ADCY8: variants seen among roughly 807,000 people sequenced by gnomAD.
ADCY8 encodes adenylate cyclase 8, also known as adenylate cyclase type 8.
In ADCY8, 51 loss-of-function variants were observed where a neutral mutation model predicts 119.7. The observed-to-expected ratio is 0.43, with a 90% CI of 0.34 to 0.54. The LOEUF (loss-of-function observed/expected upper bound fraction) is 0.54. ADCY8 is among the 20% of genes least tolerant of loss of function. The pLI, the probability that ADCY8 is intolerant of heterozygous loss-of-function variation, is 0.03. For missense variants in ADCY8, 1,383 were observed against 1,598.8 expected (o/e 0.87, Z 2.30); for synonymous variants, 665 against 651.0 (o/e 1.02, Z -0.33).
intron 12 of ADCY8, among the ~76,000 whole-genome samples, chr8:130,831,471 A>G (rs1167910365): frequency 6.6e-6 from 1 of 152,216 alleles, no homozygotes; most frequent in Non-Finnish European, 1.5e-5. Context: ...GGTTTTGCCA[A>G]GGAGAGTGTC....
intron 9 of ADCY8, among the ~76,000 whole-genome samples, chr8:130,856,096 TGGTGAGCTCCTTTA>T (rs1474294303): frequency 6.6e-6 from 1 of 152,048 alleles, no homozygotes; most frequent in Non-Finnish European, 1.5e-5. Context: ...TTCCATGACC[TGGTGAGCTCCTTTA>T]GGAGCCAGGT....
At chr8:131,010,881 C>A (rs1256286275) in intron 1 of ADCY8, among the ~76,000 whole-genome samples, 5 of 152,192 alleles carry the variant, frequency 3.3e-5, no homozygotes, top group African/African-American at 1.2e-4. Context: ...CATCCATTTA[C>A]TGATTTTTGT....
At chr8:130,833,675 G>A (rs1372467237) in intron 12 of ADCY8, among the ~76,000 whole-genome samples, 1 of 152,122 alleles carries the variant, frequency 6.6e-6, no homozygotes, top group East Asian at 1.9e-4. Context: ...ATTTATACTA[G>A]TCTGTGGTAT....
At chr8:131,020,118 C>T (rs1167012363) in intron 1 of ADCY8, among the ~76,000 whole-genome samples, 1 of 152,008 alleles carries the variant, frequency 6.6e-6, no homozygotes, top group Non-Finnish European at 1.5e-5. Context: ...ATTACCACTA[C>T]CTGAGGGAGA....
intron 12 of ADCY8, among the ~76,000 whole-genome samples, chr8:130,834,538 G>A (rs1816928261): frequency 6.6e-6 from 1 of 152,146 alleles, no homozygotes; most frequent in African/African-American, 2.4e-5. Flanking sequence ...GTGCTTTTAT[G>A]TCTACACCCC....
chr8:130,995,680 C>T (rs1822751278), intron 1 of ADCY8, among the ~76,000 whole-genome samples: 1 of 152,096 alleles, frequency 6.6e-6, no homozygotes, highest in Admixed American at 6.6e-5. Flanking sequence ...TCTTGCCTTG[C>T]TGATTCTTCT....
intron 1 of ADCY8, among the ~76,000 whole-genome samples, chr8:131,016,918 C>T (rs1394616213): frequency 6.6e-6 from 1 of 151,996 alleles, no homozygotes; most frequent in African/African-American, 2.4e-5. Flanking sequence ...AGACAGGCTG[C>T]CTCCTGAACT....
Position 131,040,044 on chromosome 8 carries a change from C to A in ADCY8, c.290G>T (p.Gly97Val), listed in dbSNP as rs945561581. 4 of 1,548,332 alleles carry A rather than the reference C, an allele frequency of 2.6e-6. No homozygotes were observed. Among genetic ancestry groups the A allele is most frequent in the Admixed American group, 3.8e-5 (2 of 52,406 alleles). ...SALPLYSLGP[G>V]ERAHSTCGTK... is the part of the protein sequence containing the mutation. ...GCCGCAGGTGCTGTGCGCTCGCTCT[C>A]CCGGGCCCAGCGAGTAGAGGGGCAG... is the stretch of plus-strand genomic sequence containing the variant. The change falls in exon 1 of 18, where the codon GGA becomes GTA. Residue 97 changes from glycine (G) to valine (V), a missense_variant. Around this residue, in one of 2 missense-constraint regions of ADCY8, gnomAD observed 455 missense variants for 435.3 expected, o/e 1.05. Coordinates refer to ENST00000286355, the MANE Select transcript of ADCY8 (RefSeq NM_001115.3).
intron 2 of ADCY8, among the ~76,000 whole-genome samples, chr8:130,987,420 C>T (rs1393067229): frequency 6.6e-6 from 1 of 152,078 alleles, no homozygotes; most frequent in Non-Finnish European, 1.5e-5. Context: ...AGCAGAGCTC[C>T]TGACACATAA....
Position 130,849,716 on chromosome 8 carries a change from A to G in ADCY8, c.2298T>C (p.Cys766=). The G allele has an allele frequency of 6.2e-7, 1 of 1,614,020 alleles. No individual in the cohort carries two copies. The highest frequency in any genetic ancestry group is 8.5e-7 in the Non-Finnish European group (1 of 1,179,940). The change falls in exon 10 of 18, where the codon TGT becomes TGC. Residue 766 remains cysteine, a synonymous_variant. Coordinates refer to ENST00000286355, the MANE Select transcript of ADCY8 (RefSeq NM_001115.3). ...AAGTTTTCCGGAGGATGAGGGGCAA[A>G]CATTTATAATCCTCTGCTGTGGTGA... The part of the protein sequence containing the change: ...VLITTAEDYK[C]LPLILRKTCC...
At chr8:131,004,152 G>A (rs1823041372) in intron 1 of ADCY8, among the ~76,000 whole-genome samples, 1 of 152,172 alleles carries the variant, frequency 6.6e-6, no homozygotes, top group African/African-American at 2.4e-5. Flanking sequence ...ATGTAGTCTA[G>A]TGTACCATGG....
chr8:130,835,820 ATT>A (rs556526387), intron 12 of ADCY8, among the ~76,000 whole-genome samples: 101 of 152,250 alleles, frequency 6.6e-4, no homozygotes, highest in African/African-American at 2.4e-3. Flanking sequence ...TGTTTGTAAT[ATT>A]TTTAATTTTT....
intron 11 of ADCY8, among the ~76,000 whole-genome samples, chr8:130,844,633 T>C (rs1817243616): frequency 2.0e-5 from 3 of 152,178 alleles, no homozygotes; most frequent in South Asian, 2.1e-4. Context: ...TCCATTTTAG[T>C]TTGGCAATGC....
rs1289016465 is a variant in ADCY8, at chr8:131,019,829, C to CTGTCTG, written c.960+19544_960+19545insCAGACA. 3.1e-4 allele frequency among the ~76,000 whole-genome samples: 37 copies of CTGTCTG among 119,298 alleles called. No homozygotes were observed. In the East Asian group the frequency reaches 4.3e-3, roughly 14 times the overall value. 78.3% of individuals were successfully genotyped at this position (119,298 alleles called of 152,430 possible). A position where few individuals can be genotyped will look rare whatever the true frequency, so the allele number is the denominator to read the frequency against. On this transcript the variant is annotated intron_variant, in intron 1 of 17. Transcript: ENST00000286355. Reference sequence around the variant, plus strand: ...TCTCTCTCTCTCTCTCTCTCTCTCTCTCTCTCTCTGTCTGTCTCTCTCTCT... The same window carrying CTGTCTG: ...TCTCTCTCTCTCTCTCTCTCTCTCTCTGTCTGTCTCTCTCTGTCTGTCTCTCTCTCT...
chr8:130,885,615 A>G (rs1818954028), intron 7 of ADCY8, among the ~76,000 whole-genome samples: 1 of 152,006 alleles, frequency 6.6e-6, no homozygotes, highest in Non-Finnish European at 1.5e-5. Flanking sequence ...AGCCAAATGC[A>G]GTGTTCACTC....
intron 12 of ADCY8, among the ~76,000 whole-genome samples, chr8:130,822,506 T>TCATGAATC (rs1279380340): frequency 0.019 from 2,703 of 143,890 alleles, 127 homozygotes; most frequent in African/African-American, 0.06. Context: ...ATCCATCCAT[T>TCATGAATC]CATGAATCCA....
intron 1 of ADCY8, among the ~76,000 whole-genome samples, chr8:131,018,745 A>G (rs578244980): frequency 1.3e-5 from 2 of 152,354 alleles, no homozygotes; most frequent in African/African-American, 4.8e-5. Flanking sequence ...CATACAGCTA[A>G]TGAGTGATGG....
intron 2 of ADCY8, among the ~76,000 whole-genome samples, chr8:130,974,105 C>T (rs111501125): frequency 0.012 from 1,832 of 152,278 alleles, 46 homozygotes; most frequent in African/African-American, 0.042. Context: ...AGACTAGCAA[C>T]CTATCCAACA....
At position 130,838,585 on chromosome 8, in the gene ADCY8, T is replaced by A. The variant is rs1355543948; in HGVS notation, c.2503-2136A>T. 2.8e-5 allele frequency among the ~76,000 whole-genome samples: 4 copies of A among 142,326 alleles called. 1 individual carries two copies. The highest frequency in any genetic ancestry group is 6.4e-5 in the Non-Finnish European group (4 of 62,614). The allele number at this position is 142,326 out of a possible 152,430, so 93.4% of individuals were successfully genotyped here. ...GGGTCCTGTTTCATTGTTGCCTGTA[T>A]CACAACAAGGGGCGGTGCATGGCTT... On this transcript the variant is annotated intron_variant, in intron 11 of 17. Coordinates refer to ENST00000286355, the MANE Select transcript of ADCY8 (RefSeq NM_001115.3).
Sources: gnomAD v4.1 joint callset for allele counts (sites outside exome capture counted in the v4.1 genomes callset) on GRCh38, gnomAD v4.1.1 for gene constraint, gnomAD v4.1.1 regional missense constraint, MANE v1.5 for transcripts, NCBI Gene and HGNC (gene_info 2026-07-23, HGNC 2026-07-21) for gene names.